GAS7: variants seen among roughly 807,000 people sequenced by gnomAD.
GAS7 encodes growth arrest specific 7, also known as growth arrest-specific protein 7.
Under a neutral mutation model 71.1 loss-of-function variants are expected in GAS7, and 28 were observed. That is an observed-to-expected ratio of 0.39 (90% confidence interval 0.29 to 0.54). The LOEUF (loss-of-function observed/expected upper bound fraction) is 0.54, where lower values mean the gene tolerates loss of function less well. Among genes scored for constraint, GAS7 ranks in the 20% least tolerant of loss-of-function variants. The pLI is 0.62. For missense variants in GAS7, 436 were observed against 627.8 expected, an observed-to-expected ratio of 0.69 and a Z score of 3.27; for synonymous variants, 258 against 245.8, an observed-to-expected ratio of 1.05 and a Z score of -0.46.
intron 1 of GAS7, among the ~76,000 whole-genome samples, chr17:10,060,125 T>C (rs898304092): frequency 7.9e-5 from 12 of 152,144 alleles, no homozygotes; most frequent in Admixed American, 5.9e-4. Context: ...AGTGTGATAA[T>C]CCAACCAGGT....
intron 2 of GAS7, among the ~76,000 whole-genome samples, chr17:9,997,620 A>G (rs2071099084): frequency 6.6e-6 from 1 of 152,194 alleles, no homozygotes; most frequent in African/African-American, 2.4e-5. Context: ...ATCTACCTGG[A>G]GATAGCATCA....
At chr17:10,181,431 A>T (rs1158640970) in intron 1 of GAS7, among the ~76,000 whole-genome samples, 1 of 152,002 alleles carries the variant, frequency 6.6e-6, no homozygotes, top group Non-Finnish European at 1.5e-5. Flanking sequence ...AAAGGGAGTA[A>T]GGGTAAAGAA....
intron 1 of GAS7, among the ~76,000 whole-genome samples, chr17:10,154,517 A>C (rs1017494152): frequency 9.2e-5 from 14 of 151,808 alleles, no homozygotes; most frequent in African/African-American, 2.9e-4. Flanking sequence ...AAAAACAAAA[A>C]AAAAAAATTC....
chr17:9,958,050 T>C (rs2069321008), intron 5 of GAS7, among the ~76,000 whole-genome samples: 1 of 152,124 alleles, frequency 6.6e-6, no homozygotes, highest in Non-Finnish European at 1.5e-5. Flanking sequence ...GTGCTTTCCA[T>C]GGATGGACCC....
In GAS7 at chr17:9,943,128, G is replaced by A. The variant is rs1371273884; in HGVS notation, c.724C>T (p.Arg242Trp). The A allele has an allele frequency of 5.0e-6, 8 of 1,603,426 alleles. No individual in the cohort carries two copies. The highest frequency in any genetic ancestry group is 2.2e-5 in the East Asian group (1 of 44,844). The part of the protein sequence containing the change: ...QMQKEMSEFI[R>W]ERIKIEEDYA... ...GAGGGGCCCAGGCTTCACCTTTCCCGGATGAATTCTGACATTTCCTTCTGC... is the reference window on the plus strand; with the variant it reads ...GAGGGGCCCAGGCTTCACCTTTCCCAGATGAATTCTGACATTTCCTTCTGC... The change falls in exon 7 of 14, where the codon CGG becomes TGG. Residue 242 changes from arginine to tryptophan, a missense_variant. By Grantham distance (101) the Arg-to-Trp change is moderately radical. Transcript: ENST00000432992.
intron 2 of GAS7, among the ~76,000 whole-genome samples, chr17:10,008,916 G>A (rs1200088995): frequency 6.6e-6 from 1 of 152,086 alleles, no homozygotes. Flanking sequence ...ATGTTTTTGG[G>A]TACAGAACCT....
rs1276892942 is a variant in GAS7, at chr17:9,911,708, T to C, written c.*5520A>G. Reference sequence around the variant, plus strand: ...GGCAAATTTCAACCCAGCAGAGTCCTGGCAGCCTCTTCGGCTCCCTACCTT... The same window carrying C: ...GGCAAATTTCAACCCAGCAGAGTCCCGGCAGCCTCTTCGGCTCCCTACCTT... On this transcript the variant is annotated 3_prime_UTR_variant, in exon 14 of 14. Transcript: ENST00000432992. The surrounding 1 kb of genome is among the most constrained non-coding windows in gnomAD (Gnocchi z 4.0). 1 of 232,494 alleles carries C rather than the reference T, an allele frequency of 4.3e-6. No homozygotes were observed. Among genetic ancestry groups the C allele is most frequent in the Non-Finnish European group, 8.5e-6 (1 of 117,664 alleles). The allele number at this position is 232,494 out of a possible 1,614,324, so 14.4% of individuals were successfully genotyped here.
intron 1 of GAS7, among the ~76,000 whole-genome samples, chr17:10,073,759 T>A (rs992666688): frequency 3.9e-5 from 6 of 152,272 alleles, no homozygotes; most frequent in Non-Finnish European, 1.5e-5. Flanking sequence ...CTTGAGGAAT[T>A]TCGAGACAGT....
chr17:10,133,797 T>G lies in GAS7; in HGVS notation c.183+64411A>C, dbSNP rs1416246873. 1.3e-5 allele frequency among the ~76,000 whole-genome samples: 2 copies of G among 152,036 alleles called. 1 individual carries two copies. Among genetic ancestry groups the G allele is most frequent in the African/African-American group, 4.8e-5 (2 of 41,398 alleles). On this transcript the variant is annotated intron_variant, in intron 1 of 13. Transcript: ENST00000432992. The stretch of plus-strand genomic sequence containing the variant: ...ACATATAAATGAGATCACATGGTAT[T>G]TATCTTTCTGTGGCCTGGCTTATTT...
chr17:9,918,604 G>C (rs1483997707), intron 12 of GAS7, among the ~76,000 whole-genome samples: 2 of 152,200 alleles, frequency 1.3e-5, no homozygotes, highest in Non-Finnish European at 2.9e-5. Flanking sequence ...ACACATTCCT[G>C]GGACCTTGTC....
At chr17:9,963,472 G>T (rs1333029015) in intron 4 of GAS7, among the ~76,000 whole-genome samples, 1 of 152,070 alleles carries the variant, frequency 6.6e-6, no homozygotes, top group Non-Finnish European at 1.5e-5. Context: ...CAGTTTTTTG[G>T]TGGGGGAAGA....
At chr17:10,090,532 C>A (rs2073570983) in intron 1 of GAS7, among the ~76,000 whole-genome samples, 1 of 142,692 alleles carries the variant, frequency 7.0e-6, no homozygotes, top group South Asian at 2.2e-4. Flanking sequence ...AACTGCAAAT[C>A]TAAACGGCTC....
intron 2 of GAS7, among the ~76,000 whole-genome samples, chr17:9,988,747 ACT>A (rs1474147637): frequency 3.3e-5 from 5 of 151,864 alleles, no homozygotes; most frequent in African/African-American, 1.2e-4. Context: ...GAAAGAAACT[ACT>A]CTCTGAAGAA....
chr17:9,936,284 G>A lies in GAS7; in HGVS notation c.807-2040C>T, dbSNP rs1462916495. Among the ~76,000 whole-genome samples the A allele has an allele frequency of 3.9e-5, 6 of 152,180 alleles. No homozygotes were observed. In the East Asian group the frequency reaches 1.2e-3, roughly 29 times the overall value. On this transcript the variant is annotated intron_variant, in intron 8 of 13. Coordinates refer to ENST00000432992, the MANE Select transcript of GAS7 (RefSeq NM_201433.2). ...CTGAGCCACACACAGCAGCCTGTGG[G>A]AGGTATGAACAAGAGTCACAGAGCC...
At chr17:10,022,386 G>T (rs2072303930) in intron 1 of GAS7, among the ~76,000 whole-genome samples, 1 of 152,190 alleles carries the variant, frequency 6.6e-6, no homozygotes, top group Non-Finnish European at 1.5e-5. Flanking sequence ...TCAAACATGG[G>T]AAAGCCATAT....
intron 1 of GAS7, among the ~76,000 whole-genome samples, chr17:10,159,257 A>G (rs2074232776): frequency 2.0e-5 from 3 of 151,592 alleles, no homozygotes; most frequent in South Asian, 4.2e-4. Context: ...GTATTTCCCA[A>G]GAGTAAACAT....
At chr17:10,052,582 G>A (rs1367369626) in intron 1 of GAS7, among the ~76,000 whole-genome samples, 2 of 152,198 alleles carry the variant, frequency 1.3e-5, no homozygotes, top group Non-Finnish European at 2.9e-5. Flanking sequence ...TGGCAGAGCT[G>A]GGAGTCCCAG....
In GAS7 at chr17:10,130,539, T is replaced by C. The variant is rs1371930667; in HGVS notation, c.183+67669A>G. ...AAAAACACATGTCCACCCAAAAACATGTACACAAACGTTCATACCAGGATT... is the reference window on the plus strand; with the variant it reads ...AAAAACACATGTCCACCCAAAAACACGTACACAAACGTTCATACCAGGATT... On this transcript the variant is annotated intron_variant, in intron 1 of 13. Coordinates refer to ENST00000432992, the MANE Select transcript of GAS7 (RefSeq NM_201433.2). 2.0e-5 allele frequency among the ~76,000 whole-genome samples: 3 copies of C among 152,122 alleles called. No individual in the cohort carries two copies. In the East Asian group the frequency reaches 5.8e-4, roughly 29 times the overall value.
intron 2 of GAS7, among the ~76,000 whole-genome samples, chr17:9,995,439 T>C (rs1255050807): frequency 6.6e-6 from 1 of 151,936 alleles, no homozygotes; most frequent in Middle Eastern, 3.2e-3. Context: ...TCTATTCCCT[T>C]TGTGTGGTAT....
Sources: gnomAD v4.1 joint callset for allele counts (sites outside exome capture counted in the v4.1 genomes callset) on GRCh38, gnomAD v4.1.1 for gene constraint, Gnocchi (gnomAD v3.1) non-coding constraint, MANE v1.5 for transcripts, NCBI Gene and HGNC (gene_info 2026-07-23, HGNC 2026-07-21) for gene names.